The following SATB2 variants were observed in gnomAD, a reference collection of about 807,000 sequenced individuals.
SATB2 encodes DNA-binding protein SATB2.
A neutral mutation model predicts 73.4 loss-of-function variants in SATB2; 1 was observed. The ratio of observed to expected loss-of-function variants is 0.01; its 90% confidence interval spans 0.00 to 0.06. SATB2 has a LOEUF of 0.06. Ranked by LOEUF, SATB2 falls within the 10% of genes least tolerant of loss-of-function variation. The pLI, the probability that SATB2 is intolerant of heterozygous loss-of-function variation, is 1.00. For synonymous variants in SATB2, 397 were observed against 367.0 expected (o/e 1.08, Z -0.93); for missense variants, 459 against 945.8 (o/e 0.49, Z 6.75).
chr2:199,350,967 T>C (rs1688797965), intron 6 of SATB2, among the ~76,000 whole-genome samples: 1 of 150,318 alleles, frequency 6.7e-6, no homozygotes, highest in Non-Finnish European at 1.5e-5. Context: ...GAGGCAAAGG[T>C]TGCAGTGAGT....
chr2:199,274,575 G>C (rs1692254991), intron 10 of SATB2, among the ~76,000 whole-genome samples: 1 of 152,146 alleles, frequency 6.6e-6, no homozygotes, highest in African/African-American at 2.4e-5. Context: ...ATAATCAGAA[G>C]CAAATAAGAC....
intron 10 of SATB2, among the ~76,000 whole-genome samples, chr2:199,301,727 G>A (rs902172740): frequency 1.3e-5 from 2 of 152,148 alleles, no homozygotes; most frequent in Non-Finnish European, 2.9e-5. Context: ...CCGTGGGCAG[G>A]CCAAGGTGTG....
At chr2:199,310,196 C>T (rs1687558374) in intron 9 of SATB2, among the ~76,000 whole-genome samples, 2 of 152,206 alleles carry the variant, frequency 1.3e-5, no homozygotes, top group Non-Finnish European at 2.9e-5. Context: ...TCTGCAGCAG[C>T]TGTAGGCACT....
chr2:199,414,267 C>T (rs1159633389), intron 3 of SATB2, among the ~76,000 whole-genome samples: 3 of 152,158 alleles, frequency 2.0e-5, no homozygotes, highest in African/African-American at 4.8e-5. Context: ...CTAAACTGAT[C>T]CTTCCAATCT....
intron 3 of SATB2, among the ~76,000 whole-genome samples, chr2:199,392,288 T>C (rs370422996): frequency 1.4e-3 from 206 of 152,200 alleles, no homozygotes; most frequent in African/African-American, 4.8e-3. Context: ...CAAATCTCAT[T>C]ACTGTTGCAG....
chr2:199,301,921 A>C (rs955647161), intron 10 of SATB2, among the ~76,000 whole-genome samples: 7 of 152,072 alleles, frequency 4.6e-5, no homozygotes. Flanking sequence ...TGAATCCATA[A>C]ATGGCAGCTG....
At chr2:199,341,124 A>C (rs1411718757) in intron 7 of SATB2, among the ~76,000 whole-genome samples, 1 of 152,222 alleles carries the variant, frequency 6.6e-6, no homozygotes, top group Non-Finnish European at 1.5e-5. Context: ...TAATTTTTTA[A>C]AGTCCACAAA....
rs1191963610 is a variant in SATB2, at chr2:199,270,340, T to C, written c.*1871A>G. 1 of 152,356 alleles carries C rather than the reference T, an allele frequency of 6.6e-6. No homozygotes were observed. Among genetic ancestry groups the C allele is most frequent in the African/African-American group, 2.4e-5 (1 of 41,270 alleles). The allele number at this position is 152,356 out of a possible 1,614,324, so 9.4% of individuals were successfully genotyped here. ...TCTTCTCCCTGTATATTGTAAGTTC[T>C]GAGTTAATATCTACACATAGAGGTT... On this transcript the variant is annotated 3_prime_UTR_variant, in exon 11 of 11. Transcript: ENST00000417098.
intron 3 of SATB2, among the ~76,000 whole-genome samples, chr2:199,411,755 G>C (rs752978026): frequency 6.6e-6 from 1 of 152,148 alleles, no homozygotes; most frequent in Non-Finnish European, 1.5e-5. Flanking sequence ...ACAACTCACA[G>C]AACAGGGAGA....
chr2:199,277,045 G>T (rs1199403071), intron 10 of SATB2, among the ~76,000 whole-genome samples: 1 of 152,140 alleles, frequency 6.6e-6, no homozygotes, highest in African/African-American at 2.4e-5. Context: ...AGTGAAAGAA[G>T]TCAGATATGA....
chr2:199,340,114 G>A (rs534175215), intron 7 of SATB2, among the ~76,000 whole-genome samples: 3 of 152,210 alleles, frequency 2.0e-5, no homozygotes, highest in South Asian at 2.1e-4. Flanking sequence ...CTGATACATC[G>A]TTCAATCTAA....
intron 2 of SATB2, among the ~76,000 whole-genome samples, chr2:199,449,336 C>A (rs1245927481): frequency 6.6e-6 from 1 of 152,096 alleles, no homozygotes; most frequent in Non-Finnish European, 1.5e-5. Flanking sequence ...CCTTTCAGTG[C>A]CACTTAATTA....
intron 3 of SATB2, among the ~76,000 whole-genome samples, chr2:199,398,221 A>G (rs1690361404): frequency 6.6e-6 from 1 of 152,220 alleles, no homozygotes; most frequent in East Asian, 1.9e-4. Context: ...CCTGGGCCAC[A>G]CAGGAACGAA....
At chr2:199,294,162 T>C (rs1457653132) in intron 10 of SATB2, among the ~76,000 whole-genome samples, 1 of 152,142 alleles carries the variant, frequency 6.6e-6, no homozygotes. Context: ...TACATACACG[T>C]TCTATATGTG....
chr2:199,377,979 C>T (rs752499829), intron 5 of SATB2, among the ~76,000 whole-genome samples: 1 of 151,876 alleles, frequency 6.6e-6, no homozygotes, highest in Non-Finnish European at 1.5e-5. Flanking sequence ...TAAAGATGAT[C>T]TCATTTGAAC....
chr2:199,292,951 T>G (rs1398221420), intron 10 of SATB2, among the ~76,000 whole-genome samples: 3 of 152,190 alleles, frequency 2.0e-5, no homozygotes, highest in African/African-American at 7.2e-5. Flanking sequence ...TAGATGATGG[T>G]GCCAAATGAA....
At chr2:199,392,933 C>T (rs1205563286) in intron 3 of SATB2, among the ~76,000 whole-genome samples, 1 of 152,142 alleles carries the variant, frequency 6.6e-6, no homozygotes, top group Non-Finnish European at 1.5e-5. Flanking sequence ...GTTGCCTTTA[C>T]TTAAAGAAGC....
upstream of SATB2, chr2:199,458,592 C>G (rs1324914271): frequency 2.3e-6 from 1 of 431,844 alleles, no homozygotes; most frequent in African/African-American, 2.1e-5. Flanking sequence ...GCACTCGTCC[C>G]GGCGCGGAGG....
chr2:199,420,475 A>T lies in SATB2; in HGVS notation c.346+12863T>A, dbSNP rs141364463. 1.9e-4 allele frequency among the ~76,000 whole-genome samples: 29 copies of T among 152,246 alleles called. No individual in the cohort carries two copies. The East Asian group carries it at 5.6e-3, about 29-fold the overall frequency. ...GGATGAAAAATTGGTTATTTTAGGG[A>T]ACTCCAAGACAATGTGGCCAGCATC... On this transcript the variant is annotated intron_variant, in intron 3 of 10. Coordinates refer to ENST00000417098, the MANE Select transcript of SATB2 (RefSeq NM_001172509.2).
Sources: gnomAD v4.1 joint callset for allele counts (sites outside exome capture counted in the v4.1 genomes callset) on GRCh38, gnomAD v4.1.1 for gene constraint, MANE v1.5 for transcripts, NCBI Gene and HGNC (gene_info 2026-07-23, HGNC 2026-07-21) for gene names.